The following SKIC3 variants were observed in gnomAD, a reference collection of about 807,000 sequenced individuals.
The protein encoded by SKIC3 is superkiller complex protein 3.
chr5:95,517,966 T>C, the SKIC3 span, among the ~76,000 whole-genome samples: 1 of 152,088 alleles, frequency 6.6e-6, no homozygotes, highest in Non-Finnish European at 1.5e-5. Context: ...TTTTTTCTCT[T>C]GCATTCTGCC....
the SKIC3 span, among the ~76,000 whole-genome samples, chr5:95,544,647 G>C: frequency 6.6e-6 from 1 of 152,162 alleles, no homozygotes; most frequent in Admixed American, 6.5e-5. Context: ...CCTTATTAAT[G>C]CTTATGTTCC....
At chr5:95,546,442 T>C in the SKIC3 span, among the ~76,000 whole-genome samples, 2 of 152,088 alleles carry the variant, frequency 1.3e-5, no homozygotes. Context: ...AGTCTCATCT[T>C]ATACTTTGCC....
At chr5:95,516,506 A>T in the SKIC3 span, 1 of 1,613,242 alleles carries the variant, frequency 6.2e-7, no homozygotes. Flanking sequence ...TCTTTTTCAT[A>T]GACACATAGA....
At chr5:95,483,781 CCTA>C in the SKIC3 span, among the ~76,000 whole-genome samples, 404 of 152,222 alleles carry the variant, frequency 2.7e-3, 1 homozygote, top group Middle Eastern at 0.014. Flanking sequence ...TTATTGAGCC[CCTA>C]CTATGTTCTA....
the SKIC3 span, among the ~76,000 whole-genome samples, chr5:95,490,715 G>A: frequency 1.3e-5 from 2 of 152,054 alleles, no homozygotes; most frequent in South Asian, 2.1e-4. Context: ...AGCCAGGATG[G>A]TCTCGATCTC....
chr5:95,492,935 G>A, the SKIC3 span, among the ~76,000 whole-genome samples: 1 of 151,932 alleles, frequency 6.6e-6, no homozygotes, highest in South Asian at 2.1e-4. Flanking sequence ...TAGATAACCA[G>A]CAACCCAAAT....
the SKIC3 span, chr5:95,528,898 A>G: frequency 1.1e-6 from 1 of 926,054 alleles, no homozygotes; most frequent in Non-Finnish European, 1.7e-6. Context: ...AAAATACAAA[A>G]TATAGCATTT....
the SKIC3 span, chr5:95,516,370 T>C: frequency 1.2e-6 from 2 of 1,613,164 alleles, no homozygotes; most frequent in Non-Finnish European, 8.5e-7. Context: ...TTTTCATTTG[T>C]GAGGTATAAC....
At chr5:95,545,037 G>A in the SKIC3 span, among the ~76,000 whole-genome samples, 1 of 152,102 alleles carries the variant, frequency 6.6e-6, no homozygotes, top group Admixed American at 6.5e-5. Flanking sequence ...ATTTATAACT[G>A]ATTAGCTATC....
chr5:95,469,650 T>C, the SKIC3 span: 2 of 1,271,664 alleles, frequency 1.6e-6, no homozygotes, highest in Non-Finnish European at 2.3e-6. Context: ...TACAGATATA[T>C]AAATACCCCC....
chr5:95,476,320 C>T, the SKIC3 span, among the ~76,000 whole-genome samples: 2 of 152,114 alleles, frequency 1.3e-5, no homozygotes, highest in Admixed American at 1.3e-4. Flanking sequence ...CTATATGCTA[C>T]AGCAATCTAT....
the SKIC3 span, among the ~76,000 whole-genome samples, chr5:95,470,486 A>G: frequency 6.6e-6 from 1 of 152,208 alleles, no homozygotes; most frequent in South Asian, 2.1e-4. Context: ...ATTATACTAC[A>G]TAGGTGAATA....
the SKIC3 span, among the ~76,000 whole-genome samples, chr5:95,524,874 G>A: frequency 1.3e-5 from 2 of 151,968 alleles, no homozygotes; most frequent in African/African-American, 4.8e-5. Flanking sequence ...ATTATGATCA[G>A]CTGATTAGAT....
the SKIC3 span, chr5:95,512,547 CT>C: frequency 6.2e-7 from 1 of 1,614,042 alleles, no homozygotes; most frequent in Non-Finnish European, 8.5e-7. Context: ...ACTGGTACAG[CT>C]CTGTTTCTCT....
chr5:95,512,405 T>G, the SKIC3 span: 2 of 1,523,368 alleles, frequency 1.3e-6, no homozygotes, highest in South Asian at 1.2e-5. Flanking sequence ...TGACATGAAT[T>G]AATTTTAAAA....
At chr5:95,484,441 G>T in the SKIC3 span, among the ~76,000 whole-genome samples, 2 of 150,766 alleles carry the variant, frequency 1.3e-5, no homozygotes, top group East Asian at 3.9e-4. Flanking sequence ...CAAATTCCTG[G>T]GCTCAAGCAA....
chr5:95,515,094 C>T, the SKIC3 span: 2 of 621,270 alleles, frequency 3.2e-6, no homozygotes, highest in Non-Finnish European at 5.6e-6. Context: ...TTTAACTACA[C>T]AGTTCTGGAA....
At chr5:95,540,606 A>C in the SKIC3 span, 1 of 1,527,140 alleles carries the variant, frequency 6.5e-7, no homozygotes, top group Non-Finnish European at 9.0e-7. Flanking sequence ...TTAAAATGAC[A>C]ATGATCAATT....
the SKIC3 span, chr5:95,482,638 A>G: frequency 1.2e-6 from 2 of 1,613,864 alleles, no homozygotes; most frequent in African/African-American, 2.7e-5. Flanking sequence ...AATTCTAGAA[A>G]TCAAATCCCA....
Sources: allele counts gnomAD v4.1 joint callset (sites outside exome capture counted in the v4.1 genomes callset), GRCh38; gene constraint gnomAD v4.1.1; transcripts MANE v1.5; gene names NCBI Gene and HGNC (gene_info 2026-07-23, HGNC 2026-07-21).